The following PEX5L variants were observed in gnomAD, a reference collection of about 807,000 sequenced individuals.
PEX5L encodes peroxisomal biogenesis factor 5 like.
PEX5L carries 30 observed loss-of-function variants against 84.0 expected under a neutral mutation model. The observed-to-expected ratio is 0.36, with a 90% CI of 0.27 to 0.48. The LOEUF (loss-of-function observed/expected upper bound fraction) is 0.48. PEX5L is among the 20% of genes least tolerant of loss of function. The probability of loss-of-function intolerance (pLI) is 0.99; values close to 1 mark genes in which losing one functional copy is unlikely to be tolerated. For missense variants in PEX5L, 533 were observed against 754.6 expected (o/e 0.71, Z 3.44); for synonymous variants, 270 against 283.1 (o/e 0.95, Z 0.46).
At chr3:179,894,220 T>C (rs529683408) in intron 3 of PEX5L, among the ~76,000 whole-genome samples, 16 of 152,124 alleles carry the variant, frequency 1.1e-4, no homozygotes, top group Non-Finnish European at 2.1e-4. Flanking sequence ...GATTCATTAA[T>C]ATCAAAGCCA....
intron 8 of PEX5L, among the ~76,000 whole-genome samples, chr3:179,821,466 G>A (rs1476158445): frequency 6.6e-6 from 1 of 152,180 alleles, no homozygotes; most frequent in Non-Finnish European, 1.5e-5. Context: ...GCTTTGAGTG[G>A]TAATTATAAT....
At chr3:179,932,282 A>G (rs1366338210) in intron 2 of PEX5L, among the ~76,000 whole-genome samples, 1 of 152,070 alleles carries the variant, frequency 6.6e-6, no homozygotes, top group Non-Finnish European at 1.5e-5. Flanking sequence ...TGTATGTGTG[A>G]TTATAAAGAG....
chr3:179,914,241 C>T (rs1766199450), intron 2 of PEX5L, among the ~76,000 whole-genome samples: 1 of 152,116 alleles, frequency 6.6e-6, no homozygotes, highest in Non-Finnish European at 1.5e-5. Flanking sequence ...CTCTTGGAGC[C>T]CTTTTCTCTG....
Position 179,797,785 on chromosome 3 carries a change from TAAG to T in PEX5L, c.*4040_*4042del, listed in dbSNP as rs1229586818. 1 of 151,854 alleles carries T rather than the reference TAAG, an allele frequency of 6.6e-6. No homozygotes were observed. Among genetic ancestry groups the T allele is most frequent in the Non-Finnish European group, 1.5e-5 (1 of 67,986 alleles). 9.4% of individuals were successfully genotyped at this position (151,854 alleles called of 1,614,324 possible). ...TGTGCACGTGTAATAATTTCTAAAA[TAAG>T]AGGGTTCAAAAAGGATGGCATATAA... On this transcript the variant is annotated 3_prime_UTR_variant, in exon 15 of 15. Coordinates refer to ENST00000467460, the MANE Select transcript of PEX5L (RefSeq NM_016559.3).
intron 2 of PEX5L, among the ~76,000 whole-genome samples, chr3:179,905,079 C>A (rs1335572281): frequency 6.6e-6 from 1 of 152,204 alleles, no homozygotes; most frequent in Non-Finnish European, 1.5e-5. Context: ...GCTCAAACAG[C>A]AGCTTTCATC....
intron 8 of PEX5L, among the ~76,000 whole-genome samples, chr3:179,838,647 C>T (rs1022366671): frequency 5.3e-5 from 8 of 152,166 alleles, no homozygotes; most frequent in African/African-American, 1.7e-4. Flanking sequence ...TAACTAATAA[C>T]TGTTAGAATT....
In PEX5L at chr3:179,796,525, T is replaced by C. The variant is rs182455750; in HGVS notation, c.*5303A>G. On this transcript the variant is annotated 3_prime_UTR_variant, in exon 15 of 15. Coordinates refer to ENST00000467460, the MANE Select transcript of PEX5L (RefSeq NM_016559.3). ...GTTTAATTTTCTGTGTTTTTTTTTT[T>C]CCTCTTAACTGTTTAATGCCTCCCC... is the stretch of plus-strand genomic sequence containing the variant. 4.6e-5 allele frequency: 7 copies of C among 151,980 alleles called. No homozygotes were observed. Among genetic ancestry groups the C allele is most frequent in the African/African-American group, 1.7e-4 (7 of 41,364 alleles). The allele number at this position is 151,980 out of a possible 1,614,324, so 9.4% of individuals were successfully genotyped here. A position where few individuals can be genotyped will look rare whatever the true frequency, so the allele number is the denominator to read the frequency against.
chr3:179,817,011 T>C (rs1726379846), intron 9 of PEX5L, among the ~76,000 whole-genome samples: 1 of 152,138 alleles, frequency 6.6e-6, no homozygotes, highest in Non-Finnish European at 1.5e-5. Flanking sequence ...TTTAGACATG[T>C]TTTTGCTAAG....
intron 7 of PEX5L, 74 bp from the exon 8 acceptor site, chr3:179,859,231 C>A (rs1371140858): frequency 1.2e-5 from 14 of 1,135,330 alleles, no homozygotes; most frequent in Non-Finnish European, 1.8e-5. Flanking sequence ...GGTGCTTTTC[C>A]TTTTCCCATT....
chr3:180,024,544 C>CAAA (rs59981273), intron 1 of PEX5L, among the ~76,000 whole-genome samples: 1,624 of 107,090 alleles, frequency 0.015, 46 homozygotes, highest in African/African-American at 0.046. Context: ...GACTCCGTTT[C>CAAA]AAAAAAAAAA....
At chr3:179,853,472 T>C (rs1364085014) in intron 8 of PEX5L, among the ~76,000 whole-genome samples, 1 of 152,156 alleles carries the variant, frequency 6.6e-6, no homozygotes, top group African/African-American at 2.4e-5. Context: ...TAATTCTCTG[T>C]AGAAATCTCC....
intron 3 of PEX5L, 46 bp downstream of exon 3, chr3:179,898,096 A>G (rs371268209): frequency 1.3e-4 from 160 of 1,192,396 alleles, no homozygotes; most frequent in Non-Finnish European, 1.7e-4. Context: ...TGTCTGATAT[A>G]TTAACATATG....
Position 179,899,865 on chromosome 3 carries a change from G to A in PEX5L, c.94-1619C>T, listed in dbSNP as rs552581787. Among the ~76,000 whole-genome samples the A allele has an allele frequency of 2.6e-5, 4 of 152,200 alleles. No homozygotes were observed. The South Asian group carries it at 8.3e-4, about 32-fold the overall frequency. On this transcript the variant is annotated intron_variant, in intron 2 of 14. Coordinates refer to ENST00000467460, the MANE Select transcript of PEX5L (RefSeq NM_016559.3). The stretch of plus-strand genomic sequence containing the variant: ...TCAGTAGTAATTTTCATATATGTAT[G>A]TGTTTTGAAAAGTTTATATGGCCAC...
chr3:179,854,352 C>T (rs972154982), intron 8 of PEX5L, among the ~76,000 whole-genome samples: 1 of 151,942 alleles, frequency 6.6e-6, no homozygotes, highest in African/African-American at 2.4e-5. Flanking sequence ...TTTTAGGGCA[C>T]TTCAGCCAAA....
chr3:179,997,505 A>G (rs2110404290), intron 1 of PEX5L, among the ~76,000 whole-genome samples: 1 of 152,320 alleles, frequency 6.6e-6, no homozygotes, highest in Admixed American at 6.5e-5. Flanking sequence ...AAGCCATTAG[A>G]GCTGCCTCTA....
chr3:179,934,750 A>G (rs1321877867), intron 2 of PEX5L, among the ~76,000 whole-genome samples: 1 of 152,186 alleles, frequency 6.6e-6, no homozygotes, highest in African/African-American at 2.4e-5. Flanking sequence ...TGCTGAACAC[A>G]CAAAAGGGCT....
In PEX5L at chr3:179,959,077, A is replaced by T. The variant is rs141278505; in HGVS notation, c.93+12517T>A. Among the ~76,000 whole-genome samples the T allele has an allele frequency of 6.2e-3, 940 of 152,198 alleles. 20 individuals carry two copies. The East Asian group carries it at 0.066, about 11-fold the overall frequency. On this transcript the variant is annotated intron_variant, in intron 2 of 14. Transcript: ENST00000467460. The stretch of plus-strand genomic sequence containing the variant: ...ACAAAACCGAAAAAAAAAAAATAAA[A>T]AAAACCAGATTCCTGGGCCCCACCT...
At chr3:179,984,419 C>T (rs1786611972) in intron 1 of PEX5L, among the ~76,000 whole-genome samples, 1 of 151,946 alleles carries the variant, frequency 6.6e-6, no homozygotes. Flanking sequence ...GAGTTGGTTA[C>T]TGCTATTTTT....
At chr3:179,832,017 A>G (rs1478397271) in intron 8 of PEX5L, among the ~76,000 whole-genome samples, 1 of 152,202 alleles carries the variant, frequency 6.6e-6, no homozygotes, top group African/African-American at 2.4e-5. Flanking sequence ...TCTGGTTGAA[A>G]TGAGGAGAAT....
Sources: gnomAD v4.1 joint callset for allele counts (sites outside exome capture counted in the v4.1 genomes callset) on GRCh38, gnomAD v4.1.1 for gene constraint, MANE v1.5 for transcripts, NCBI Gene and HGNC (gene_info 2026-07-23, HGNC 2026-07-21) for gene names.